Variants in RSF1 observed in about 807,000 individuals in gnomAD.
RSF1 encodes the protein remodeling and spacing factor 1, also known as HBV pX-associated protein 8.
A neutral mutation model predicts 145.2 loss-of-function variants in RSF1; 13 were observed. That is an observed-to-expected ratio of 0.09 (90% CI 0.06 to 0.14). The LOEUF (loss-of-function observed/expected upper bound fraction) is 0.14, where lower values mean the gene tolerates loss of function less well. Ranked by LOEUF, RSF1 falls within the 10% of genes least tolerant of loss-of-function variation. The pLI is 1.00. For missense variants in RSF1, 1,517 were observed against 1,718.2 expected, an observed-to-expected ratio of 0.88 and a Z score of 2.07; for synonymous variants, 577 against 592.6, an observed-to-expected ratio of 0.97 and a Z score of 0.38.
At chr11:77,798,846 TA>T (rs1464266935) in intron 1 of RSF1, among the ~76,000 whole-genome samples, 2 of 149,518 alleles carry the variant, frequency 1.3e-5, no homozygotes, top group Non-Finnish European at 3.0e-5. Context: ...GGTGGGGGGA[TA>T]GGGGAGGGAT....
At position 77,701,431 on chromosome 11, in the gene RSF1, C is replaced by G. The variant is rs1439231460; in HGVS notation, c.1798G>C (p.Ala600Pro). Residue 600 changes from alanine (A) to proline (P), a missense_variant, in exon 6 of 16, where the codon GCA (alanine) becomes CCA (proline). Around this residue, in one of 12 missense-constraint regions of RSF1, gnomAD observed 579 missense variants for 553.5 expected, o/e 1.05. Transcript: ENST00000308488. The stretch of plus-strand genomic sequence containing the variant: ...TCTGGTATTGGACTCAATCTTTGTG[C>G]GTCCTTATCAAGAAAAGTCTTTTTG... ...KSKKTFLDKD[A>P]QRLSPIPEEV... is the part of the protein sequence containing the mutation. 1 of 1,614,026 alleles carries G rather than the reference C, an allele frequency of 6.2e-7. No individual in the cohort carries two copies.
chr11:77,764,450 T>A, intron 2 of RSF1, 148 bp downstream of exon 2: 1 of 580,120 alleles, frequency 1.7e-6, no homozygotes. Flanking sequence ...AAGAAGAGAA[T>A]CACATACTTG....
chr11:77,672,504 A>C (rs1016231946), intron 14 of RSF1, among the ~76,000 whole-genome samples: 2 of 151,660 alleles, frequency 1.3e-5, no homozygotes, highest in African/African-American at 4.9e-5. Context: ...CTAGGATCAC[A>C]GGCATATGCA....
chr11:77,739,847 G>A (rs1396994824), intron 4 of RSF1, among the ~76,000 whole-genome samples: 5 of 152,086 alleles, frequency 3.3e-5, no homozygotes, highest in Non-Finnish European at 5.9e-5. Flanking sequence ...ATTACTCATA[G>A]GGTTTAGGTT....
At chr11:77,868,508 G>A in the RSF1 span, among the ~76,000 whole-genome samples, 439 of 151,548 alleles carry the variant, frequency 2.9e-3, 6 homozygotes, top group Admixed American at 3.7e-3. Context: ...ACAGGCACGC[G>A]CCACCACACC....
At chr11:77,697,008 T>C (rs2135847613) in intron 7 of RSF1, among the ~76,000 whole-genome samples, 1 of 152,232 alleles carries the variant, frequency 6.6e-6, no homozygotes, top group East Asian at 1.9e-4. Context: ...ATAATATAGA[T>C]CAGAAACTGT....
chr11:77,805,703 A>C (rs527519917), intron 1 of RSF1, among the ~76,000 whole-genome samples: 1 of 152,332 alleles, frequency 6.6e-6, no homozygotes, highest in African/African-American at 2.4e-5. Context: ...AATATGATAT[A>C]TTGCTATAAT....
intron 5 of RSF1, among the ~76,000 whole-genome samples, chr11:77,706,831 C>T (rs919667878): frequency 6.6e-6 from 1 of 152,162 alleles, no homozygotes; most frequent in Admixed American, 6.6e-5. Flanking sequence ...TCCCACCCTC[C>T]ACCCACTTTC....
intron 5 of RSF1, among the ~76,000 whole-genome samples, chr11:77,722,943 C>T (rs1435717239): frequency 2.0e-5 from 3 of 152,164 alleles, no homozygotes; most frequent in Non-Finnish European, 4.4e-5. Context: ...ATTTTGAGGT[C>T]TTGTATTAGA....
chr11:77,837,386 T>C, the RSF1 span, among the ~76,000 whole-genome samples: 1 of 151,812 alleles, frequency 6.6e-6, no homozygotes, highest in Admixed American at 6.6e-5. Context: ...TCCGCCTGCC[T>C]CGGCCTCCCA....
At chr11:77,842,749 T>C in the RSF1 span, 6 of 1,345,078 alleles carry the variant, frequency 4.5e-6, no homozygotes, top group South Asian at 1.4e-5. Context: ...ATAATTCATA[T>C]ACCATTAAAT....
chr11:77,683,861 C>A, intron 10 of RSF1, 42 bp from the exon 11 acceptor site: 2 of 1,451,694 alleles, frequency 1.4e-6, no homozygotes, highest in Non-Finnish European at 9.5e-7. Flanking sequence ...ATTCCTTATG[C>A]AGAACAAAGT....
intron 13 of RSF1, 25 bp downstream of exon 13, chr11:77,676,767 C>T (rs377288060): frequency 5.7e-5 from 92 of 1,601,276 alleles, no homozygotes; most frequent in East Asian, 5.1e-4. Flanking sequence ...ATCTAGGGAT[C>T]GGGGCCTAGT....
At chr11:77,692,262 T>TTTTTTTTTTTTTTTTTTTTTAA in intron 8 of RSF1, among the ~76,000 whole-genome samples, 1 of 87,668 alleles carries the variant, frequency 1.1e-5, no homozygotes, top group African/African-American at 6.4e-5. Flanking sequence ...TTTTTTTTTT[T>TTTTTTTTTTTTTTTTTTTTTAA]GAGACGGAGT....
At chr11:77,712,332 C>A (rs1159679220) in intron 5 of RSF1, among the ~76,000 whole-genome samples, 1 of 152,196 alleles carries the variant, frequency 6.6e-6, no homozygotes, top group East Asian at 1.9e-4. Context: ...TTGCCTTCCA[C>A]CATGATTATG....
intron 1 of RSF1, among the ~76,000 whole-genome samples, chr11:77,798,269 A>C (rs1242585398): frequency 6.6e-6 from 1 of 152,146 alleles, no homozygotes; most frequent in Non-Finnish European, 1.5e-5. Flanking sequence ...AATGTCCATC[A>C]ATGATAGGCT....
chr11:77,780,916 C>A (rs1948396816), intron 1 of RSF1, among the ~76,000 whole-genome samples: 1 of 151,710 alleles, frequency 6.6e-6, no homozygotes, highest in Admixed American at 6.6e-5. Flanking sequence ...CCTCAGGAAA[C>A]CATTGATCTG....
chr11:77,795,711 T>C (rs1288733802), intron 1 of RSF1, among the ~76,000 whole-genome samples: 2 of 152,048 alleles, frequency 1.3e-5, no homozygotes, highest in Non-Finnish European at 2.9e-5. Context: ...AACACAAAAA[T>C]CAAATTAAGA....
At chr11:77,799,570 T>G (rs570623839) in intron 1 of RSF1, among the ~76,000 whole-genome samples, 49 of 151,118 alleles carry the variant, frequency 3.2e-4, no homozygotes, top group African/African-American at 1.2e-3. Flanking sequence ...CACTACATAA[T>G]TACAAAATAT....
Sources: allele counts gnomAD v4.1 joint callset (sites outside exome capture counted in the v4.1 genomes callset), GRCh38; gene constraint gnomAD v4.1.1; regional missense constraint gnomAD v4.1.1; transcripts MANE v1.5; gene names NCBI Gene and HGNC (gene_info 2026-07-23, HGNC 2026-07-21).